The following SLC24A2 variants were observed in gnomAD, a reference collection of about 807,000 sequenced individuals.
SLC24A2 encodes the protein solute carrier family 24 member 2, also known as sodium/potassium/calcium exchanger 2.
In SLC24A2, 36 loss-of-function variants were observed where a neutral mutation model predicts 62.0. The ratio of observed to expected loss-of-function variants is 0.58; its 90% confidence interval spans 0.44 to 0.77. The LOEUF (loss-of-function observed/expected upper bound fraction) is 0.77. SLC24A2 is among the 30% of genes least tolerant of loss of function. The probability of loss-of-function intolerance (pLI) is 0.00; values close to 1 mark genes in which losing one functional copy is unlikely to be tolerated. For synonymous variants in SLC24A2, 358 were observed against 294.0 expected (o/e 1.22, Z -2.23); for missense variants, 846 against 817.9 (o/e 1.03, Z -0.42).
At chr9:20,017,170 G>A in the SLC24A2 span, among the ~76,000 whole-genome samples, 1 of 151,956 alleles carries the variant, frequency 6.6e-6, no homozygotes, top group Non-Finnish European at 1.5e-5. Context: ...TTACAGGTGT[G>A]CACCACCACT....
chr9:19,713,720 A>G (rs1232572269), intron 2 of SLC24A2, among the ~76,000 whole-genome samples: 1 of 151,950 alleles, frequency 6.6e-6, no homozygotes, highest in Non-Finnish European at 1.5e-5. Context: ...CAATTCAGTA[A>G]CTCCAGCCCT....
chr9:19,695,858 A>G (rs1235413426), intron 2 of SLC24A2, among the ~76,000 whole-genome samples: 1 of 152,158 alleles, frequency 6.6e-6, no homozygotes, highest in African/African-American at 2.4e-5. Flanking sequence ...GACTTAAGGA[A>G]AGCAAATTAC....
chr9:19,759,123 A>C (rs542084782), intron 2 of SLC24A2, among the ~76,000 whole-genome samples: 1 of 152,328 alleles, frequency 6.6e-6, no homozygotes, highest in South Asian at 2.1e-4. Flanking sequence ...ATCAAACAAA[A>C]GACACCTACA....
the SLC24A2 span, among the ~76,000 whole-genome samples, chr9:20,132,383 G>C: frequency 6.6e-6 from 1 of 152,090 alleles, no homozygotes; most frequent in Non-Finnish European, 1.5e-5. Flanking sequence ...ATCCACTATT[G>C]CATCAAGAAA....
intron 5 of SLC24A2, among the ~76,000 whole-genome samples, chr9:19,581,921 G>C (rs973378328): frequency 6.6e-6 from 1 of 152,128 alleles, no homozygotes; most frequent in African/African-American, 2.4e-5. Context: ...GTCTCTTGTG[G>C]TCTAAACCCT....
intron 2 of SLC24A2, among the ~76,000 whole-genome samples, chr9:19,647,068 GCACA>G (rs142480390): frequency 0.25 from 20,110 of 79,618 alleles, 1,612 homozygotes; most frequent in Middle Eastern, 0.31. Flanking sequence ...ACACACGCGC[GCACA>G]CACACACACA....
rs780450451 is a variant in SLC24A2, at chr9:19,756,903, CTTTTTTTTTTTTT to C, written c.930+29021_930+29033del. Among the ~76,000 whole-genome samples, 66 of 78,536 alleles carry C rather than the reference CTTTTTTTTTTTTT, an allele frequency of 8.4e-4. 1 individual carries two copies. The highest frequency in any genetic ancestry group is 3.0e-3 in the African/African-American group (61 of 20,476). 51.5% of individuals were successfully genotyped at this position (78,536 alleles called of 152,430 possible). A position where few individuals can be genotyped will look rare whatever the true frequency, so the allele number is the denominator to read the frequency against. Reference sequence around the variant, plus strand: ...GATATTCACACTTCTTTTACTGAAGCTTTTTTTTTTTTTTTTTTTTTTTAGAGACAATGGTCTG... The same window carrying C: ...GATATTCACACTTCTTTTACTGAAGCTTTTTTTTTTAGAGACAATGGTCTG... On this transcript the variant is annotated intron_variant, in intron 2 of 10. Transcript: ENST00000341998.
At chr9:20,059,803 A>G in the SLC24A2 span, among the ~76,000 whole-genome samples, 32 of 152,258 alleles carry the variant, frequency 2.1e-4, no homozygotes, top group Middle Eastern at 3.4e-3. Flanking sequence ...AATGAAAATT[A>G]GAGCAGAGAT....
At chr9:19,692,334 C>T (rs548939205) in intron 2 of SLC24A2, among the ~76,000 whole-genome samples, 3 of 152,026 alleles carry the variant, frequency 2.0e-5, no homozygotes, top group Non-Finnish European at 4.4e-5. Context: ...GGTTTTTTTC[C>T]ACTAGAATTT....
chr9:20,174,645 A>G, the SLC24A2 span, among the ~76,000 whole-genome samples: 7 of 152,254 alleles, frequency 4.6e-5, no homozygotes, highest in East Asian at 1.4e-3. Flanking sequence ...TGAAAACCAC[A>G]ATGCAATACC....
At chr9:19,854,868 C>A in the SLC24A2 span, among the ~76,000 whole-genome samples, 4 of 152,166 alleles carry the variant, frequency 2.6e-5, no homozygotes, top group Non-Finnish European at 5.9e-5. Context: ...TCTTAATGAT[C>A]TGTCTAATAT....
chr9:19,547,366 T>TG (rs774039002), intron 8 of SLC24A2, among the ~76,000 whole-genome samples: 45 of 152,186 alleles, frequency 3.0e-4, no homozygotes, highest in South Asian at 1.0e-3. Flanking sequence ...AGCAGTGGAC[T>TG]GGGGACAGCT....
At chr9:20,290,521 G>A in the SLC24A2 span, among the ~76,000 whole-genome samples, 1 of 152,232 alleles carries the variant, frequency 6.6e-6, no homozygotes, top group African/African-American at 2.4e-5. Flanking sequence ...AGGCATGTGT[G>A]AGCTCTGGCT....
At chr9:19,677,643 A>G (rs1398570992) in intron 2 of SLC24A2, among the ~76,000 whole-genome samples, 1 of 152,136 alleles carries the variant, frequency 6.6e-6, no homozygotes, top group African/African-American at 2.4e-5. Context: ...ATTCTCATGA[A>G]TTTTGGCAAT....
chr9:20,171,282 A>T, the SLC24A2 span, among the ~76,000 whole-genome samples: 2 of 147,884 alleles, frequency 1.4e-5, no homozygotes, highest in African/African-American at 4.9e-5. Flanking sequence ...CATAAATCTC[A>T]CAGGACCTAT....
At chr9:19,792,592 C>T (rs896192382), upstream of SLC24A2, among the ~76,000 whole-genome samples, 2 of 149,204 alleles carry the variant, frequency 1.3e-5, no homozygotes, top group African/African-American at 2.5e-5. Context: ...CCTGTAATCC[C>T]AGCTACTTGG....
chr9:20,114,532 C>T, the SLC24A2 span, among the ~76,000 whole-genome samples: 1 of 152,062 alleles, frequency 6.6e-6, no homozygotes, highest in South Asian at 2.1e-4. Flanking sequence ...AAGAATAATG[C>T]AGTACACCAT....
chr9:20,019,155 A>AAGAAAGGGAG, the SLC24A2 span, among the ~76,000 whole-genome samples: 1 of 117,088 alleles, frequency 8.5e-6, no homozygotes, highest in Non-Finnish European at 1.8e-5. Flanking sequence ...GAAAGAAAGA[A>AAGAAAGGGAG]AGAGAGAGAG....
At chr9:19,848,484 G>A in the SLC24A2 span, among the ~76,000 whole-genome samples, 2 of 152,090 alleles carry the variant, frequency 1.3e-5, no homozygotes, top group Non-Finnish European at 2.9e-5. Context: ...AGCAGTGTAC[G>A]TAACATATTG....
Sources: gnomAD v4.1 joint callset for allele counts (sites outside exome capture counted in the v4.1 genomes callset) on GRCh38, gnomAD v4.1.1 for gene constraint, MANE v1.5 for transcripts, NCBI Gene and HGNC (gene_info 2026-07-23, HGNC 2026-07-21) for gene names.